Variants in DHX34 observed in about 807,000 individuals in gnomAD.
DHX34 encodes probable ATP-dependent RNA helicase DHX34.
In DHX34, 96 loss-of-function variants were observed where a neutral mutation model predicts 111.1. The ratio of observed to expected loss-of-function variants is 0.86; its 90% CI spans 0.73 to 1.02. The LOEUF is 1.02. Among genes scored for constraint, DHX34 ranks in the 50% least tolerant of loss-of-function variants. The pLI is 0.00. For synonymous variants in DHX34, 688 were observed against 670.4 expected (o/e 1.03, Z -0.41); for missense variants, 1,560 against 1,579.9 (o/e 0.99, Z 0.21).
intron 7 of DHX34, among the ~76,000 whole-genome samples, chr19:47,371,164 C>T (rs1048933505): frequency 4.6e-5 from 7 of 151,802 alleles, no homozygotes; most frequent in Non-Finnish European, 1.0e-4. Context: ...GAGGCTGGGC[C>T]CAGGAGGCTC....
At chr19:47,359,899 A>C in intron 4 of DHX34, 69 bp from the exon 5 acceptor site, 2 of 1,608,162 alleles carry the variant, frequency 1.2e-6, no homozygotes, top group Non-Finnish European at 1.7e-6. Flanking sequence ...GGGGGTGGGC[A>C]AGAAATTGGA....
intron 2 of DHX34, among the ~76,000 whole-genome samples, chr19:47,354,465 A>C (rs545103005): frequency 6.6e-5 from 10 of 152,328 alleles, no homozygotes; most frequent in Admixed American, 2.0e-4. Flanking sequence ...TACATGAGGC[A>C]CAGTGCTAGA....
rs1156506669 is a variant in DHX34, at chr19:47,375,502, C to G, written c.2101C>G (p.Gln701Glu). 22 of 1,573,880 alleles carry G rather than the reference C, an allele frequency of 1.4e-5. No individual in the cohort carries two copies. The highest frequency in any genetic ancestry group is 5.4e-5 in the Admixed American group (3 of 55,782). The part of the protein sequence containing the change: ...LEDHGLLAGA[Q>E]AAQVGDSYSR... ...GGACCACGGGCTGCTGGCTGGGGCC[C>G]AGGCCGCGCAGGTAGGGGACAGCTA... The change falls in exon 10 of 17, where the codon CAG becomes GAG. Residue 701 changes from glutamine (Q) to glutamate (E), a missense_variant. By Grantham distance (29) the Gln-to-Glu change is conservative (BLOSUM62 2). Transcript: ENST00000328771.
At position 47,353,436 on chromosome 19, in the gene DHX34, G is replaced by C; in HGVS notation, c.406G>C (p.Ala136Pro). 1.2e-6 allele frequency: 2 copies of C among 1,614,196 alleles called. No homozygotes were observed. The highest frequency in any genetic ancestry group is 1.7e-6 in the Non-Finnish European group (2 of 1,180,054). Residue 136 changes from alanine to proline, a missense_variant, in exon 2 of 17, where the codon GCC (alanine) becomes CCC (proline). Physicochemically the swap from Ala to Pro is conservative, Grantham distance 27 (BLOSUM62 -1). Coordinates refer to ENST00000328771, the MANE Select transcript of DHX34 (RefSeq NM_014681.6). This position sits in a 1 kb window ranked among gnomAD's most constrained non-coding sequence, Gnocchi z 4.6. ...PAERVAEFRR[A>P]LLHYLDFGQK... ...GGAGAGAGTGGCTGAGTTCCGCCGA[G>C]CCCTGTTGCACTACCTGGACTTTGG...
At position 47,351,207 on chromosome 19, in the gene DHX34, C is replaced by G. The variant is rs1381832469; in HGVS notation, c.-277-1547C>G. ...TTTTTTTTTTTTTTTGAGACAGAGT[C>G]TCGCTCTGTTGCCCAGGCTGGAGTG... On this transcript the variant is annotated intron_variant, in intron 1 of 16. Transcript: ENST00000328771. 3.6e-5 allele frequency among the ~76,000 whole-genome samples: 4 copies of G among 110,854 alleles called. No individual in the cohort carries two copies. The East Asian group carries it at 1.1e-3, about 31-fold the overall frequency. The allele number at this position is 110,854 out of a possible 152,430, so 72.7% of individuals were successfully genotyped here. A position where few individuals can be genotyped will look rare whatever the true frequency, so the allele number is the denominator to read the frequency against.
At position 47,379,695 on chromosome 19, in the gene DHX34, C is replaced by A. The variant is rs761005952; in HGVS notation, c.2707-15C>A. On this transcript the variant is annotated splice_polypyrimidine_tract_variant and intron_variant, in intron 13 of 16. Coordinates refer to ENST00000328771, the MANE Select transcript of DHX34 (RefSeq NM_014681.6). ...CCTCCCACCTACTCCCTGTCTTCTGCCCCCTCTCTTTCAGTCCCTCCTGCT... is the reference window on the plus strand; with the variant it reads ...CCTCCCACCTACTCCCTGTCTTCTGACCCCTCTCTTTCAGTCCCTCCTGCT... The A allele has an allele frequency of 1.3e-6, 2 of 1,584,260 alleles. No individual in the cohort carries two copies.
chr19:47,358,516 C>T (rs868844231), intron 4 of DHX34, among the ~76,000 whole-genome samples: 2 of 149,636 alleles, frequency 1.3e-5, no homozygotes, highest in African/African-American at 2.5e-5. Flanking sequence ...TGCAGTGGCA[C>T]GATCAGGGCT....
chr19:47,379,127 CAAATAAAT>C (rs945880122), intron 13 of DHX34, among the ~76,000 whole-genome samples: 1 of 151,016 alleles, frequency 6.6e-6, no homozygotes, highest in African/African-American at 2.4e-5. Flanking sequence ...AGACTCATCT[CAAATAAAT>C]AAATAAATTA....
intron 2 of DHX34, among the ~76,000 whole-genome samples, chr19:47,354,727 T>C (rs1025704334): frequency 1.3e-5 from 2 of 152,214 alleles, no homozygotes; most frequent in African/African-American, 4.8e-5. Context: ...CTTGGCTCAC[T>C]GCAACCTCCG....
intron 2 of DHX34, 127 bp from the exon 3 acceptor site, chr19:47,354,912 C>T (rs895823844): frequency 2.0e-6 from 3 of 1,496,616 alleles, no homozygotes; most frequent in Non-Finnish European, 2.7e-6. Context: ...CCTCTGCCTC[C>T]CAAAGTGCTG....
In DHX34 at chr19:47,375,295, G is replaced by A. The variant is rs969610171; in HGVS notation, c.2065-171G>A. 1.9e-5 allele frequency: 19 copies of A among 985,324 alleles called. 1 individual carries two copies. The highest frequency in any genetic ancestry group is 6.1e-5 in the Admixed American group (1 of 16,272). 61.0% of individuals were successfully genotyped at this position (985,324 alleles called of 1,614,324 possible). The stretch of plus-strand genomic sequence containing the variant: ...CCCGGTGTTCCCTCCACTGACCAGC[G>A]AGGACAGCTCTCTCTCTGGAGCAGC... On this transcript the variant is annotated intron_variant, in intron 9 of 16. Transcript: ENST00000328771.
In DHX34 at chr19:47,368,298, CTTTTTTTTTTT is replaced by C. The variant is rs71180827; in HGVS notation, c.1768+1158_1768+1168del. 6.5e-5 allele frequency among the ~76,000 whole-genome samples: 3 copies of C among 46,076 alleles called. No individual in the cohort carries two copies. In the South Asian group the frequency reaches 4.0e-3, roughly 61 times the overall value. The allele number at this position is 46,076 out of a possible 152,430, so 30.2% of individuals were successfully genotyped here. ...AGTCTCATCATTCATTCATTAAATC[CTTTTTTTTTTT>C]TTTTTTTTTTTTTTGAGACTGAGTT... On this transcript the variant is annotated intron_variant, in intron 7 of 16. Transcript: ENST00000328771.
chr19:47,377,900 A>C (rs990503592), intron 13 of DHX34, among the ~76,000 whole-genome samples: 14 of 152,018 alleles, frequency 9.2e-5, no homozygotes, highest in Non-Finnish European at 1.6e-4. Context: ...CATGGGCCCC[A>C]TGGCAGCCAC....
At position 47,353,971 on chromosome 19, in the gene DHX34, CT is replaced by C. The variant is rs972700319; in HGVS notation, c.705+245del. Reference sequence around the variant, plus strand: ...TGGGAAATGTCCTAAAGGCTCATCACTTTTTTTTTGAGACGGAGTCTCACTC... The same window carrying C: ...TGGGAAATGTCCTAAAGGCTCATCACTTTTTTTTGAGACGGAGTCTCACTC... On this transcript the variant is annotated intron_variant, in intron 2 of 16. Coordinates refer to ENST00000328771, the MANE Select transcript of DHX34 (RefSeq NM_014681.6). The surrounding 1 kb of genome is among the most constrained non-coding windows in gnomAD (Gnocchi z 4.6). Among the ~76,000 whole-genome samples, 4 of 151,526 alleles carry C rather than the reference CT, an allele frequency of 2.6e-5. No homozygotes were observed. The highest frequency in any genetic ancestry group is 4.8e-5 in the African/African-American group (2 of 41,258).
chr19:47,357,839 C>T (rs1293627402), intron 3 of DHX34, 27 bp from the exon 4 acceptor site: 1 of 1,600,048 alleles, frequency 6.2e-7, no homozygotes, highest in African/African-American at 1.3e-5. Flanking sequence ...ACAGGGTGTG[C>T]TTCTACCTGG....
rs1344929924 is a variant in DHX34 at position 47,375,645 on chromosome 19, C to T, written c.2244C>T (p.Gly748=). The T allele has an allele frequency of 6.4e-7, 1 of 1,554,616 alleles. No individual in the cohort carries two copies. The highest frequency in any genetic ancestry group is 1.4e-5 in the African/African-American group (1 of 73,678). ...VLRLQEEQDG[G]SSDEDRAGPA... ...GGCTGCAGGAGGAGCAGGACGGCGG[C>T]TCCAGTGACGAGGACAGGGCTGGCC... is the stretch of plus-strand genomic sequence containing the variant. Residue 748 remains glycine, a synonymous_variant, in exon 10 of 17, where the codon GGC becomes GGT. Transcript: ENST00000328771.
chr19:47,370,271 G>A (rs982275485), intron 7 of DHX34, among the ~76,000 whole-genome samples: 22 of 152,150 alleles, frequency 1.4e-4, no homozygotes, highest in Non-Finnish European at 5.9e-5. Context: ...GGCAGGTGGA[G>A]TACCCAAGAT....
chr19:47,380,819 C>T lies in DHX34; in HGVS notation c.2986C>T (p.Pro996Ser), dbSNP rs970222427. 2.5e-6 allele frequency: 4 copies of T among 1,613,756 alleles called. No individual in the cohort carries two copies. Among genetic ancestry groups the T allele is most frequent in the Middle Eastern group, 1.6e-4 (1 of 6,080 alleles). Residue 996 changes from proline to serine, a missense_variant, in exon 15 of 17, where the codon CCT (proline) becomes TCT (serine). Physicochemically the swap from Pro to Ser is moderately conservative, Grantham distance 74 (BLOSUM62 -1). Coordinates refer to ENST00000328771, the MANE Select transcript of DHX34 (RefSeq NM_014681.6). ...TTTCCTGTCTCTCCTTCCTTAGATT[C>T]CTTACAGCCTCCGGCGGCTCACAGG... The part of the protein sequence containing the change: ...ELLQFTASKI[P>S]YSLRRLTGLE...
chr19:47,381,198 C>G lies in DHX34; in HGVS notation c.3172C>G (p.Leu1058Val), dbSNP rs1410211730. ...TGGCCTGCCACAGAATGACACAGACCTGTACAGCGACTGTCTCCGAACCTT... is the reference window on the plus strand; with the variant it reads ...TGGCCTGCCACAGAATGACACAGACGTGTACAGCGACTGTCTCCGAACCTT... ...TYNCLTNDTD[L>V]YSDCLRTFWT... Residue 1058 changes from leucine (L) to valine (V), a missense_variant, in exon 16 of 17, where the codon CTG becomes GTG. Physicochemically the swap from Leu to Val is conservative, Grantham distance 32 (BLOSUM62 1). Coordinates refer to ENST00000328771, the MANE Select transcript of DHX34 (RefSeq NM_014681.6). 14 of 1,614,108 alleles carry G rather than the reference C, an allele frequency of 8.7e-6. No homozygotes were observed. The highest frequency in any genetic ancestry group is 1.2e-5 in the Non-Finnish European group (14 of 1,179,962).
Sources: allele counts gnomAD v4.1 joint callset (sites outside exome capture counted in the v4.1 genomes callset), GRCh38; gene constraint gnomAD v4.1.1; non-coding constraint Gnocchi (gnomAD v3.1); transcripts MANE v1.5; gene names NCBI Gene and HGNC (gene_info 2026-07-23, HGNC 2026-07-21).